Variants in CCNJL observed in about 807,000 individuals in gnomAD.
The protein encoded by CCNJL is cyclin J like.
A neutral mutation model predicts 33.4 loss-of-function variants in CCNJL; 33 were observed. That is an observed-to-expected ratio of 0.99 (90% CI 0.75 to 1.32). CCNJL has a LOEUF of 1.32. Among genes scored for constraint, CCNJL ranks in the 40% most tolerant of loss-of-function variants. The probability of loss-of-function intolerance (pLI) is 0.00; values close to 1 mark genes in which losing one functional copy is unlikely to be tolerated. For synonymous variants in CCNJL, 227 were observed against 220.9 expected, an observed-to-expected ratio of 1.03 and a Z score of -0.24; for missense variants, 512 against 499.7, an observed-to-expected ratio of 1.02 and a Z score of -0.23.
intron 2 of CCNJL, among the ~76,000 whole-genome samples, chr5:160,289,234 C>CAA (rs1762507968): frequency 6.6e-6 from 1 of 152,224 alleles, no homozygotes; most frequent in African/African-American, 2.4e-5. Flanking sequence ...CCCCTGCCCC[C>CAA]CACAGAAGGG....
chr5:160,257,992 G>A (rs1383967400), intron 4 of CCNJL, among the ~76,000 whole-genome samples: 1 of 151,636 alleles, frequency 6.6e-6, no homozygotes, highest in African/African-American at 2.4e-5. Flanking sequence ...GACTATAGGC[G>A]CCCACCACCA....
intron 2 of CCNJL, among the ~76,000 whole-genome samples, chr5:160,308,814 T>C (rs1174956625): frequency 6.6e-6 from 1 of 152,142 alleles, no homozygotes; most frequent in African/African-American, 2.4e-5. Context: ...TCCTGGTAAA[T>C]GCTACAAAGA....
At chr5:160,312,625 T>G (rs887391759), upstream of CCNJL, 2 of 151,560 alleles carry the variant, frequency 1.3e-5, no homozygotes. Flanking sequence ...GCGCATGCGC[T>G]GCCGGCGCCC....
intron 3 of CCNJL, among the ~76,000 whole-genome samples, chr5:160,275,213 T>C (rs1430715482): frequency 6.6e-6 from 1 of 151,494 alleles, no homozygotes; most frequent in African/African-American, 2.4e-5. Flanking sequence ...GCCTCCTGAG[T>C]AGGTGGGATT....
At chr5:160,255,828 T>C (rs1295343518) in intron 4 of CCNJL, 120 bp from the exon 5 acceptor site, 6 of 813,336 alleles carry the variant, frequency 7.4e-6, no homozygotes, top group Admixed American at 5.4e-5. Context: ...GCCCTACAAA[T>C]AGGATGGAAA....
At chr5:160,336,459 A>G (rs1033290826) in intron 1 of CCNJL, among the ~76,000 whole-genome samples, 1 of 152,242 alleles carries the variant, frequency 6.6e-6, no homozygotes, top group Non-Finnish European at 1.5e-5. Context: ...TGGCCACCAG[A>G]AGCTGGAAGA....
upstream of CCNJL, among the ~76,000 whole-genome samples, chr5:160,316,857 T>G (rs1314013364): frequency 6.6e-6 from 1 of 152,360 alleles, no homozygotes; most frequent in African/African-American, 2.4e-5. Flanking sequence ...ATTTCTAGCC[T>G]TCTGCTTCCA....
At chr5:160,333,926 C>CTGTCT (rs1249074893) in intron 1 of CCNJL, among the ~76,000 whole-genome samples, 2 of 152,168 alleles carry the variant, frequency 1.3e-5, no homozygotes, top group East Asian at 3.8e-4. Flanking sequence ...GGTGATTTTG[C>CTGTCT]TGTCTTGGTA....
intron 2 of CCNJL, chr5:160,281,262 T>A (rs1159155640): frequency 5.9e-6 from 1 of 169,916 alleles, no homozygotes; most frequent in African/African-American, 2.4e-5. Flanking sequence ...TTTCTGAGGG[T>A]AGGATTACGA....
intron 3 of CCNJL, among the ~76,000 whole-genome samples, chr5:160,265,935 C>T (rs1013820307): frequency 1.3e-5 from 2 of 152,132 alleles, no homozygotes; most frequent in African/African-American, 4.8e-5. Flanking sequence ...CAAGAATGGC[C>T]GCTCTCCTAT....
chr5:160,254,336 C>T, intron 5 of CCNJL: 1 of 661,068 alleles, frequency 1.5e-6, no homozygotes, highest in Non-Finnish European at 2.7e-6. Flanking sequence ...GAAAAGGGGG[C>T]TGGAACAGAG....
chr5:160,308,326 T>C (rs755965310), intron 2 of CCNJL, among the ~76,000 whole-genome samples: 1 of 152,262 alleles, frequency 6.6e-6, no homozygotes, highest in Non-Finnish European at 1.5e-5. Context: ...GACTGACTTA[T>C]TCATTCTCCT....
At chr5:160,319,934 A>T (rs72814319) in intron 1 of CCNJL, among the ~76,000 whole-genome samples, 15,494 of 150,770 alleles carry the variant, frequency 0.1, 865 homozygotes, top group South Asian at 0.19. Context: ...AATAAATAAT[A>T]AATAAATAAA....
intron 1 of CCNJL, among the ~76,000 whole-genome samples, chr5:160,321,064 TTCTTTCTTTCTTTCTTTC>T (rs1763454184): frequency 8.4e-6 from 1 of 118,634 alleles, no homozygotes; most frequent in Non-Finnish European, 1.6e-5. Context: ...CTTTCTTTCT[TTCTTTCTTTCTTTCTTTC>T]TTTCTTTCCT....
chr5:160,275,444 A>G (rs1761978330), intron 3 of CCNJL, among the ~76,000 whole-genome samples: 1 of 151,954 alleles, frequency 6.6e-6, no homozygotes, highest in Non-Finnish European at 1.5e-5. Flanking sequence ...AAGGGGAGAA[A>G]CTAATTTTTC....
intron 2 of CCNJL, among the ~76,000 whole-genome samples, chr5:160,283,905 T>C (rs1580984366): frequency 6.6e-6 from 1 of 152,300 alleles, no homozygotes; most frequent in Middle Eastern, 3.4e-3. Context: ...TTATTTCACT[T>C]AATACAATGA....
At chr5:160,291,208 G>T (rs10042506) in intron 2 of CCNJL, among the ~76,000 whole-genome samples, 10,000 of 151,982 alleles carry the variant, frequency 0.066, 1,133 homozygotes, top group African/African-American at 0.23. Flanking sequence ...CGGAAGAAGC[G>T]GGTCAGTGTT....
chr5:160,315,431 C>T, upstream of CCNJL: 1 of 448,634 alleles, frequency 2.2e-6, no homozygotes, highest in Non-Finnish European at 4.5e-6. Context: ...CACTTGAGCA[C>T]CAAAGGTTGA....
At chr5:160,320,836 T>TCTTTC (rs1763437354) in intron 1 of CCNJL, among the ~76,000 whole-genome samples, 1 of 118,444 alleles carries the variant, frequency 8.4e-6, no homozygotes, top group African/African-American at 3.0e-5. Flanking sequence ...TTTCTTTCTT[T>TCTTTC]CTTTCTTTCT....
Sources: allele counts gnomAD v4.1 joint callset (sites outside exome capture counted in the v4.1 genomes callset), GRCh38; gene constraint gnomAD v4.1.1; transcripts MANE v1.5; gene names NCBI Gene and HGNC (gene_info 2026-07-23, HGNC 2026-07-21).